ADAMTS14: variants seen among roughly 807,000 people sequenced by gnomAD.
ADAMTS14 encodes A disintegrin and metalloproteinase with thrombospondin motifs 14.
A neutral mutation model predicts 128.6 loss-of-function variants in ADAMTS14; 100 were observed. The observed-to-expected ratio is 0.78, with a 90% CI of 0.66 to 0.92. The LOEUF is 0.92. ADAMTS14 is among the 40% of genes least tolerant of loss of function. The pLI is 0.00. For synonymous variants in ADAMTS14, 665 were observed against 653.8 expected (o/e 1.02, Z -0.26); for missense variants, 1,562 against 1,658.6 (o/e 0.94, Z 1.01).
intron 15 of ADAMTS14, among the ~76,000 whole-genome samples, chr10:70,749,268 G>A (rs1008351425): frequency 6.6e-5 from 10 of 152,296 alleles, no homozygotes; most frequent in Admixed American, 2.0e-4. Flanking sequence ...GTCGTGGGGC[G>A]CGGGGATTTC....
Position 70,672,775 on chromosome 10 carries a change from T to C in ADAMTS14, c.-28T>C, listed in dbSNP as rs1403976772. 6.7e-7 allele frequency: 1 copy of C among 1,492,606 alleles called. No individual in the cohort carries two copies. The highest frequency in any genetic ancestry group is 8.9e-7 in the Non-Finnish European group (1 of 1,125,830). 92.5% of individuals were successfully genotyped at this position (1,492,606 alleles called of 1,614,324 possible). A position where few individuals can be genotyped will look rare whatever the true frequency, so the allele number is the denominator to read the frequency against. ...GCCTGGGACTTGGGGATCGGGCGCT[T>C]GCCCAGCCCGCGTCCCAGCGCGGCC... On this transcript the variant is annotated 5_prime_UTR_variant, in exon 1 of 22. Transcript: ENST00000373207.
rs766128304 is a variant in ADAMTS14 at position 70,729,333 on chromosome 10, A to G, written c.910A>G (p.Ile304Val). Residue 304 changes from isoleucine (I) to valine (V), a missense_variant, in exon 5 of 22, where the codon ATA (isoleucine) becomes GTA (valine). Transcript: ENST00000373207. ...CCACGATGAGTCCCTGGGGGTTCAT[A>G]TAAATATTGCCCTCGTCCGCTTGAT... is the stretch of plus-strand genomic sequence containing the variant. The part of the protein sequence containing the change: ...IYHDESLGVH[I>V]NIALVRLIMV... 6.2e-7 allele frequency: 1 copy of G among 1,614,002 alleles called. No individual in the cohort carries two copies. The highest frequency in any genetic ancestry group is 1.7e-5 in the Admixed American group (1 of 60,004).
chr10:70,720,849 C>T (rs567435188), intron 4 of ADAMTS14, among the ~76,000 whole-genome samples: 1 of 152,260 alleles, frequency 6.6e-6, no homozygotes, highest in East Asian at 1.9e-4. Context: ...TGTGTGCACA[C>T]AGACCAGTTC....
chr10:70,679,056 G>T (rs904177046), intron 2 of ADAMTS14, among the ~76,000 whole-genome samples: 1 of 152,204 alleles, frequency 6.6e-6, no homozygotes, highest in African/African-American at 2.4e-5. Context: ...GGAGGGGTTT[G>T]TAGGCTAGTG....
intron 2 of ADAMTS14, among the ~76,000 whole-genome samples, chr10:70,676,345 G>C (rs2132526199): frequency 6.6e-6 from 1 of 152,288 alleles, no homozygotes; most frequent in African/African-American, 2.4e-5. Flanking sequence ...CTGAATATCT[G>C]TTTATACACT....
At chr10:70,756,821 G>C (rs1842487936) in intron 19 of ADAMTS14, among the ~76,000 whole-genome samples, 3 of 152,206 alleles carry the variant, frequency 2.0e-5, no homozygotes, top group Non-Finnish European at 4.4e-5. Flanking sequence ...GCAGGTGCTA[G>C]GTGCCCTGAG....
intron 4 of ADAMTS14, among the ~76,000 whole-genome samples, chr10:70,717,597 CA>C (rs1462497096): frequency 2.0e-5 from 3 of 152,116 alleles, no homozygotes; most frequent in African/African-American, 7.2e-5. Flanking sequence ...TCTCCTGGCC[CA>C]GGGGTGATGG....
intron 2 of ADAMTS14, among the ~76,000 whole-genome samples, chr10:70,675,503 C>A (rs781324616): frequency 3.9e-5 from 6 of 152,112 alleles, no homozygotes; most frequent in African/African-American, 1.4e-4. Flanking sequence ...TGGCTCGTGG[C>A]GTGGGCACAG....
chr10:70,675,552 G>A (rs1290140514), intron 2 of ADAMTS14, among the ~76,000 whole-genome samples: 4 of 152,270 alleles, frequency 2.6e-5, no homozygotes, highest in South Asian at 4.1e-4. Context: ...TTGCGACGTC[G>A]TGTCCTTCCT....
intron 2 of ADAMTS14, among the ~76,000 whole-genome samples, chr10:70,680,315 G>T (rs935848782): frequency 1.1e-5 from 1 of 87,032 alleles, no homozygotes; most frequent in African/African-American, 4.6e-5. Context: ...CAGGAGAATC[G>T]CATCGCTTGA....
intron 19 of ADAMTS14, among the ~76,000 whole-genome samples, chr10:70,757,205 G>A (rs1323165771): frequency 6.6e-6 from 1 of 152,160 alleles, no homozygotes; most frequent in Non-Finnish European, 1.5e-5. Flanking sequence ...GTCAGAGTTA[G>A]AGTGGGTCAG....
At chr10:70,715,209 A>G (rs1488329294) in intron 4 of ADAMTS14, among the ~76,000 whole-genome samples, 1 of 152,212 alleles carries the variant, frequency 6.6e-6, no homozygotes, top group Non-Finnish European at 1.5e-5. Context: ...AGGAAAGCTG[A>G]GAAGGCTTCT....
chr10:70,697,575 G>A (rs918388507), intron 2 of ADAMTS14, among the ~76,000 whole-genome samples: 1 of 152,166 alleles, frequency 6.6e-6, no homozygotes, highest in Non-Finnish European at 1.5e-5. Context: ...GCACACATAC[G>A]TACTCATTTC....
intron 4 of ADAMTS14, among the ~76,000 whole-genome samples, chr10:70,715,293 C>T (rs1397514025): frequency 6.6e-6 from 1 of 152,152 alleles, no homozygotes; most frequent in African/African-American, 2.4e-5. Flanking sequence ...TCCAAATGGG[C>T]CCTCACACAG....
chr10:70,676,282 G>A (rs868862644), intron 2 of ADAMTS14, among the ~76,000 whole-genome samples: 2 of 152,126 alleles, frequency 1.3e-5, no homozygotes, highest in African/African-American at 2.4e-5. Context: ...GGGGCTATAG[G>A]TGCTTGTCAC....
Position 70,719,367 on chromosome 10 carries a change from TACACACACACACACACAC to T in ADAMTS14, c.871-9898_871-9881del, listed in dbSNP as rs61607600. Reference sequence around the variant, plus strand: ...CGTGGACAGCATCTCACTCCACAAATACACACACACACACACACACACACACACACACACACACACACA... The same window carrying T: ...CGTGGACAGCATCTCACTCCACAAATACACACACACACACACACACACACA... On this transcript the variant is annotated intron_variant, in intron 4 of 21. Transcript: ENST00000373207. Among the ~76,000 whole-genome samples, 382 of 142,208 alleles carry T rather than the reference TACACACACACACACACAC, an allele frequency of 2.7e-3. 1 individual carries two copies. The highest frequency in any genetic ancestry group is 8.7e-3 in the Admixed American group (124 of 14,300). The allele number at this position is 142,208 out of a possible 152,430, so 93.3% of individuals were successfully genotyped here. A position where few individuals can be genotyped will look rare whatever the true frequency, so the allele number is the denominator to read the frequency against.
At chr10:70,721,629 C>T (rs1427872398) in intron 4 of ADAMTS14, among the ~76,000 whole-genome samples, 2 of 151,396 alleles carry the variant, frequency 1.3e-5, no homozygotes, top group South Asian at 2.1e-4. Flanking sequence ...CCTCGTGATC[C>T]ACCCGCCTTG....
At position 70,736,752 on chromosome 10, in the gene ADAMTS14, A is replaced by G. The variant is rs1166902265; in HGVS notation, c.1558A>G (p.Lys520Glu). Residue 520 changes from lysine (K) to glutamate (E), a missense_variant, in exon 10 of 22, where the codon AAG becomes GAG. By Grantham distance (56) the Lys-to-Glu change is moderately conservative. Coordinates refer to ENST00000373207, the MANE Select transcript of ADAMTS14 (RefSeq NM_080722.4). ...CAACCCGTACTTCTGCAAGACCAAG[A>G]AGGGGCCCCCGCTGGATGGGACTGA... ...PDNPYFCKTK[K>E]GPPLDGTECA... The G allele has an allele frequency of 4.3e-6, 7 of 1,613,674 alleles. No individual in the cohort carries two copies. The South Asian group carries it at 7.7e-5, about 18-fold the overall frequency.
intron 4 of ADAMTS14, among the ~76,000 whole-genome samples, chr10:70,721,019 CTTTT>C (rs56656736): frequency 1.2e-5 from 1 of 84,332 alleles, no homozygotes; most frequent in East Asian, 4.7e-4. Flanking sequence ...TCTCTTTTTT[CTTTT>C]TTTTTTTTTT....
Sources: allele counts gnomAD v4.1 joint callset (sites outside exome capture counted in the v4.1 genomes callset), GRCh38; gene constraint gnomAD v4.1.1; transcripts MANE v1.5; gene names NCBI Gene and HGNC (gene_info 2026-07-23, HGNC 2026-07-21).